The following AP2A2 variants were observed in gnomAD, a reference collection of about 807,000 sequenced individuals.
AP2A2 encodes adaptor related protein complex 2 subunit alpha 2, also known as AP-2 complex subunit alpha-2.
A neutral mutation model predicts 104.2 loss-of-function variants in AP2A2; 32 were observed. The observed-to-expected ratio is 0.31, with a 90% CI of 0.23 to 0.41. AP2A2 has a LOEUF of 0.41. AP2A2 is among the 10% of genes least tolerant of loss of function. The pLI is 1.00. For missense variants in AP2A2, 912 were observed against 1,261.0 expected, an observed-to-expected ratio of 0.72 and a Z score of 4.19; for synonymous variants, 539 against 533.3, an observed-to-expected ratio of 1.01 and a Z score of -0.15.
At chr11:966,946 A>T (rs574391051) in intron 2 of AP2A2, among the ~76,000 whole-genome samples, 1 of 152,330 alleles carries the variant, frequency 6.6e-6, no homozygotes, top group Non-Finnish European at 1.5e-5. Flanking sequence ...AGGAGGGCAG[A>T]TCACGAGGTC....
At chr11:963,600 C>G (rs1003025111) in intron 2 of AP2A2, among the ~76,000 whole-genome samples, 2 of 152,088 alleles carry the variant, frequency 1.3e-5, no homozygotes, top group African/African-American at 2.4e-5. Flanking sequence ...TTAGAGCAAC[C>G]CTTCTGTTGA....
rs1855720496 is a variant in AP2A2 at position 993,208 on chromosome 11, C to T, written c.1453-76C>T. ...GGGGCTGGTGCTGGTGTAGGGTGCACCGCGCCAGGACGTGCCCGCCTCGCC... is the reference window on the plus strand; with the variant it reads ...GGGGCTGGTGCTGGTGTAGGGTGCATCGCGCCAGGACGTGCCCGCCTCGCC... On this transcript the variant is annotated intron_variant, in intron 11 of 21. Transcript: ENST00000448903. The surrounding 1 kb of genome is among the most constrained non-coding windows in gnomAD (Gnocchi z 8.2). The T allele has an allele frequency of 1.7e-6, 2 of 1,208,410 alleles. No individual in the cohort carries two copies. Among genetic ancestry groups the T allele is most frequent in the South Asian group, 1.5e-5 (1 of 66,868 alleles). The allele number at this position is 1,208,410 out of a possible 1,614,324, so 74.9% of individuals were successfully genotyped here.
chr11:975,694 G>A (rs563308292), intron 4 of AP2A2, among the ~76,000 whole-genome samples: 1 of 150,676 alleles, frequency 6.6e-6, no homozygotes, highest in African/African-American at 2.5e-5. Flanking sequence ...TGGGGTCCTC[G>A]GTCTCCCTCG....
intron 1 of AP2A2, among the ~76,000 whole-genome samples, chr11:929,376 G>C (rs987744956): frequency 5.9e-5 from 9 of 152,328 alleles, no homozygotes; most frequent in Admixed American, 4.6e-4. Flanking sequence ...ATGAGTGGAG[G>C]CCACTGGCCA....
At chr11:930,673 A>T (rs1003164128) in intron 1 of AP2A2, among the ~76,000 whole-genome samples, 2 of 152,016 alleles carry the variant, frequency 1.3e-5, no homozygotes, top group African/African-American at 4.8e-5. Context: ...GGTGCACGCC[A>T]CCACGCCCGG....
rs757190222 is a variant in AP2A2, at chr11:935,603, G to GTTTTTT, written c.67+9532_67+9537dup. Among the ~76,000 whole-genome samples the GTTTTTT allele has an allele frequency of 1.2e-3, 94 of 77,946 alleles. 8 individuals are homozygous for GTTTTTT. The highest frequency in any genetic ancestry group is 0.011 in the East Asian group (18 of 1,662). The allele number at this position is 77,946 out of a possible 152,430, so 51.1% of individuals were successfully genotyped here. A position where few individuals can be genotyped will look rare whatever the true frequency, so the allele number is the denominator to read the frequency against. ...AAGTGTGAGCCACTGTGCCCGGCCA[G>GTTTTTT]TTTTTTTTTTTTTTTTTTTTTTGAG... is the stretch of plus-strand genomic sequence containing the variant. On this transcript the variant is annotated intron_variant, in intron 1 of 21. Coordinates refer to ENST00000448903, the MANE Select transcript of AP2A2 (RefSeq NM_012305.4).
intron 1 of AP2A2, among the ~76,000 whole-genome samples, chr11:955,349 CA>C (rs1039647497): frequency 6.6e-6 from 1 of 152,198 alleles, no homozygotes; most frequent in Non-Finnish European, 1.5e-5. Context: ...CAGCCAAGTC[CA>C]AAAAACCTGC....
At chr11:960,985 G>A (rs766926066) in intron 2 of AP2A2, among the ~76,000 whole-genome samples, 17 of 152,380 alleles carry the variant, frequency 1.1e-4, no homozygotes, top group South Asian at 2.1e-4. Flanking sequence ...ACTGTAGAAT[G>A]GGGAAACCAG....
intron 16 of AP2A2, among the ~76,000 whole-genome samples, chr11:1,005,607 C>T (rs1030333376): frequency 3.9e-5 from 6 of 152,226 alleles, no homozygotes; most frequent in African/African-American, 9.6e-5. Context: ...CTCCTCTCAG[C>T]GCCTGCCTTG....
chr11:983,428 G>T (rs939896833), intron 6 of AP2A2, among the ~76,000 whole-genome samples: 1 of 151,678 alleles, frequency 6.6e-6, no homozygotes, highest in Non-Finnish European at 1.5e-5. Context: ...TGTCGCCCAG[G>T]CTGGAGTGCA....
At chr11:972,359 C>T (rs1854863688) in intron 4 of AP2A2, 104 bp downstream of exon 4, 3 of 1,227,222 alleles carry the variant, frequency 2.4e-6, no homozygotes, top group Non-Finnish European at 3.3e-6. Flanking sequence ...TTACTCTCCC[C>T]ATCTTATGGG....
intron 2 of AP2A2, among the ~76,000 whole-genome samples, chr11:964,010 G>A (rs996393311): frequency 7.2e-5 from 11 of 152,214 alleles, no homozygotes; most frequent in South Asian, 4.1e-4. Flanking sequence ...CAACAGAGGC[G>A]TCAGCCAGGA....
At chr11:972,917 C>T (rs1457808269) in intron 4 of AP2A2, among the ~76,000 whole-genome samples, 3 of 152,274 alleles carry the variant, frequency 2.0e-5, no homozygotes, top group Admixed American at 6.5e-5. Flanking sequence ...AGCACCGCGC[C>T]GGAGCGCCCT....
At chr11:937,024 T>G (rs1264771094) in intron 1 of AP2A2, among the ~76,000 whole-genome samples, 2 of 151,918 alleles carry the variant, frequency 1.3e-5, no homozygotes, top group Non-Finnish European at 2.9e-5. Flanking sequence ...TTTAATGTAT[T>G]TATATTTGTT....
intron 1 of AP2A2, chr11:948,294 A>G (rs1366548390): frequency 1.3e-5 from 2 of 151,986 alleles, no homozygotes; most frequent in Non-Finnish European, 2.9e-5. Flanking sequence ...TACAGAAATA[A>G]AAAGGATTAT....
chr11:928,666 C>CGCCG (rs758287939), intron 1 of AP2A2, among the ~76,000 whole-genome samples: 1 of 152,226 alleles, frequency 6.6e-6, no homozygotes, highest in Non-Finnish European at 1.5e-5. Flanking sequence ...CAAAGTTGTC[C>CGCCG]GCCGTCGAGA....
chr11:940,625 G>T (rs1853613758), intron 1 of AP2A2: 1 of 342,570 alleles, frequency 2.9e-6, no homozygotes, highest in East Asian at 7.4e-5. Flanking sequence ...TCTCGTCTGT[G>T]TAAAGGTGTT....
At chr11:977,347 G>A (rs1360013927) in intron 5 of AP2A2, 123 bp downstream of exon 5, 19 of 1,334,042 alleles carry the variant, frequency 1.4e-5, no homozygotes, top group African/African-American at 6.0e-5. Context: ...GGCTGCTGTG[G>A]CTGCGTGCTG....
intron 20 of AP2A2, 62 bp from the exon 21 acceptor site, chr11:1,009,621 C>CT: frequency 1.7e-6 from 2 of 1,196,650 alleles, no homozygotes; most frequent in Non-Finnish European, 2.3e-6. Flanking sequence ...AGGGGCGGCC[C>CT]CGGGGGACAC....
Sources: allele counts gnomAD v4.1 joint callset (sites outside exome capture counted in the v4.1 genomes callset), GRCh38; gene constraint gnomAD v4.1.1; non-coding constraint Gnocchi (gnomAD v3.1); transcripts MANE v1.5; gene names NCBI Gene and HGNC (gene_info 2026-07-23, HGNC 2026-07-21).